Variants in ATXN10 observed in about 807,000 individuals in gnomAD.
ATXN10 encodes the protein ataxin 10.
A neutral mutation model predicts 52.9 loss-of-function variants in ATXN10; 28 were observed. That is an observed-to-expected ratio of 0.53 (90% confidence interval 0.39 to 0.73). The LOEUF is 0.73. Among genes scored for constraint, ATXN10 ranks in the 30% least tolerant of loss-of-function variants. The pLI is 0.00. For synonymous variants in ATXN10, 226 were observed against 221.5 expected, an observed-to-expected ratio of 1.02 and a Z score of -0.18; for missense variants, 565 against 577.0, an observed-to-expected ratio of 0.98 and a Z score of 0.21.
chr22:45,675,926 CTG>C (rs1922669487), intron 1 of ATXN10: 1 of 152,088 alleles, frequency 6.6e-6, no homozygotes, highest in Admixed American at 6.6e-5. Flanking sequence ...TGTTTCTTCT[CTG>C]TGTAAGATAA....
Position 45,841,992 on chromosome 22 carries a change from T to C in ATXN10, c.1238-999T>C, listed in dbSNP as rs1187920054. 6.6e-6 allele frequency among the ~76,000 whole-genome samples: 1 copy of C among 152,098 alleles called. No homozygotes were observed. The highest frequency in any genetic ancestry group is 6.5e-5 in the Admixed American group (1 of 15,272). On this transcript the variant is annotated intron_variant, in intron 10 of 11. Coordinates refer to ENST00000252934, the MANE Select transcript of ATXN10 (RefSeq NM_013236.4). This position sits in a 1 kb window ranked among gnomAD's most constrained non-coding sequence, Gnocchi z 5.1. ...CTGATAATCATCAGGGGACAGGACT[T>C]GTTTGTCTTGCTGCCTTTATCTGCT...
chr22:45,803,552 A>G (rs1221232441), intron 9 of ATXN10, among the ~76,000 whole-genome samples: 1 of 152,176 alleles, frequency 6.6e-6, no homozygotes, highest in Non-Finnish European at 1.5e-5. Context: ...GGTTTGGATC[A>G]CACATTTATG....
At chr22:45,809,605 T>TC (rs1292384397) in intron 10 of ATXN10, among the ~76,000 whole-genome samples, 1 of 152,168 alleles carries the variant, frequency 6.6e-6, no homozygotes, top group East Asian at 1.9e-4. Context: ...CCCTTGTGCT[T>TC]CCCCTGGAGT....
intron 5 of ATXN10, among the ~76,000 whole-genome samples, chr22:45,706,232 T>G (rs1296153523): frequency 1.3e-5 from 2 of 152,178 alleles, no homozygotes; most frequent in African/African-American, 2.4e-5. Context: ...TTTTTTTATT[T>G]TTGTAAGATT....
chr22:45,729,621 A>C, intron 7 of ATXN10, 31 bp downstream of exon 7: 1 of 1,612,178 alleles, frequency 6.2e-7, no homozygotes, highest in Non-Finnish European at 8.5e-7. Context: ...AATCTCGGGT[A>C]AAAGAGAATG....
chr22:45,694,186 CATT>C (rs1923496002), intron 3 of ATXN10, among the ~76,000 whole-genome samples: 1 of 151,986 alleles, frequency 6.6e-6, no homozygotes, highest in Non-Finnish European at 1.5e-5. Context: ...TCTTTAGACT[CATT>C]AGTAGAATGG....
At position 45,842,839 on chromosome 22, in the gene ATXN10, A is replaced by G. The variant is rs1929390477; in HGVS notation, c.1238-152A>G. The stretch of plus-strand genomic sequence containing the variant: ...TCTTTTTAATGTGTTTGCACTTGAG[A>G]TGCATATTCAGAGAATGCATCCTCA... On this transcript the variant is annotated intron_variant, in intron 10 of 11. Transcript: ENST00000252934. This position sits in a 1 kb window ranked among gnomAD's most constrained non-coding sequence, Gnocchi z 4.8. The G allele has an allele frequency of 6.1e-6, 5 of 815,764 alleles. No homozygotes were observed. The highest frequency in any genetic ancestry group is 1.4e-5 in the South Asian group (1 of 69,100). 50.5% of individuals were successfully genotyped at this position (815,764 alleles called of 1,614,324 possible).
chr22:45,689,733 C>G lies in ATXN10; in HGVS notation c.138C>G (p.Ile46Met), dbSNP rs755973840. 3.2e-5 allele frequency: 52 copies of G among 1,614,002 alleles called. No homozygotes were observed. The highest frequency in any genetic ancestry group is 3.8e-5 in the Non-Finnish European group (45 of 1,179,980). Residue 46 changes from isoleucine to methionine, a missense_variant, in exon 2 of 12, where the codon ATC (isoleucine) becomes ATG (methionine). Physicochemically the swap from Ile to Met is conservative, Grantham distance 10. Coordinates refer to ENST00000252934, the MANE Select transcript of ATXN10 (RefSeq NM_013236.4). ...QRNRETAPRT[I>M]FQRVLDILKK... is the part of the protein sequence containing the mutation. Reference sequence around the variant, plus strand: ...TCAGAGAAACAGCACCCAGGACTATCTTCCAAAGAGTTCTGGATATCCTAA... The same window carrying G: ...TCAGAGAAACAGCACCCAGGACTATGTTCCAAAGAGTTCTGGATATCCTAA...
At chr22:45,811,639 C>A in intron 10 of ATXN10, 1 of 454,002 alleles carries the variant, frequency 2.2e-6, no homozygotes, top group Non-Finnish European at 4.6e-6. Flanking sequence ...GTAATATAGC[C>A]TAGAATGTGA....
chr22:45,807,522 G>A (rs1411862836), intron 10 of ATXN10, among the ~76,000 whole-genome samples: 3 of 152,176 alleles, frequency 2.0e-5, no homozygotes, highest in South Asian at 2.1e-4. Flanking sequence ...TCTCATCTTC[G>A]GAGGGTTTGT....
chr22:45,767,366 TACAG>T (rs1329467777), intron 9 of ATXN10, among the ~76,000 whole-genome samples: 1 of 151,878 alleles, frequency 6.6e-6, no homozygotes, highest in Non-Finnish European at 1.5e-5. Flanking sequence ...TTTTATGTAA[TACAG>T]AGGGAGAAAT....
At position 45,843,293 on chromosome 22, in the gene ATXN10, C is replaced by T. The variant is rs941866655; in HGVS notation, c.1425+115C>T. 3 of 1,209,328 alleles carry T rather than the reference C, an allele frequency of 2.5e-6. No individual in the cohort carries two copies. Among genetic ancestry groups the T allele is most frequent in the South Asian group, 1.3e-5 (1 of 78,444 alleles). 74.9% of individuals were successfully genotyped at this position (1,209,328 alleles called of 1,614,324 possible). A position where few individuals can be genotyped will look rare whatever the true frequency, so the allele number is the denominator to read the frequency against. ...AGAATATGGATGGGAGAATTGTGCC[C>T]TCTATAGTGGTTTACCGAGGAAAGC... On this transcript the variant is annotated intron_variant, in intron 11 of 11. Transcript: ENST00000252934. The surrounding 1 kb of genome is among the most constrained non-coding windows in gnomAD (Gnocchi z 4.5).
At chr22:45,731,213 A>G (rs1925077196) in intron 7 of ATXN10, among the ~76,000 whole-genome samples, 1 of 152,228 alleles carries the variant, frequency 6.6e-6, no homozygotes, top group South Asian at 2.1e-4. Flanking sequence ...AGAAGTGCTG[A>G]GGGAGAGAAG....
rs1270093761 is a variant in ATXN10 at position 45,740,480 on chromosome 22, C to T, written c.1115C>T (p.Ser372Phe). ...DISNVANGFKSHLIRLIGNLC... is the reference protein window; with the variant it reads ...DISNVANGFKFHLIRLIGNLC... ...TCCAATGTGGCCAATGGGTTTAAGT[C>T]TCATCTCATTCGTCTGATTGGAAAT... is the stretch of plus-strand genomic sequence containing the variant. The change falls in exon 9 of 12, where the codon TCT becomes TTT. Residue 372 changes from serine to phenylalanine, a missense_variant. By Grantham distance (155) the Ser-to-Phe change is radical. Coordinates refer to ENST00000252934, the MANE Select transcript of ATXN10 (RefSeq NM_013236.4). 4.3e-6 allele frequency: 7 copies of T among 1,613,822 alleles called. No homozygotes were observed. Among genetic ancestry groups the T allele is most frequent in the African/African-American group, 1.3e-5 (1 of 74,956 alleles).
chr22:45,749,296 G>T (rs138179), intron 9 of ATXN10, among the ~76,000 whole-genome samples: 32,494 of 152,054 alleles, frequency 0.21, 5,237 homozygotes, highest in African/African-American at 0.46. Context: ...TGAGTCAAGC[G>T]TAGAGTAGTT....
chr22:45,804,926 C>T (rs918976651), intron 9 of ATXN10, among the ~76,000 whole-genome samples: 1 of 152,162 alleles, frequency 6.6e-6, no homozygotes. Flanking sequence ...ACAAGATTCT[C>T]ATATAAGGCT....
rs60726084 is a variant in ATXN10 at position 45,795,354 on chromosome 22, GATTCT to G, written c.1174-11539_1174-11535del. On this transcript the variant is annotated intron_variant, in intron 9 of 11. Transcript: ENST00000252934. The surrounding 1 kb of genome is among the most constrained non-coding windows in gnomAD (Gnocchi z 4.6). ...ATCCAACTAAAAGACTACTAGAATG[GATTCT>G]ATTCTATTCTATTCTATTCTATTCT... 0.25 allele frequency among the ~76,000 whole-genome samples: 32,219 copies of G among 126,408 alleles called. 3,981 individuals are homozygous for G. Among genetic ancestry groups the G allele is most frequent in the African/African-American group, 0.28 (9,429 of 33,254 alleles). 82.9% of individuals were successfully genotyped at this position (126,408 alleles called of 152,430 possible).
At chr22:45,741,575 C>G (rs1018052507) in intron 9 of ATXN10, among the ~76,000 whole-genome samples, 13 of 152,116 alleles carry the variant, frequency 8.5e-5, no homozygotes, top group African/African-American at 3.1e-4. Flanking sequence ...GGGAGTAGAT[C>G]CATCCTCAGT....
chr22:45,752,284 AAAG>A lies in ATXN10; in HGVS notation c.1173+11750_1173+11752del, dbSNP rs577354232. Among the ~76,000 whole-genome samples, 229 of 152,306 alleles carry A rather than the reference AAAG, an allele frequency of 1.5e-3. 2 individuals are homozygous for A. The highest frequency in any genetic ancestry group is 5.3e-3 in the African/African-American group (221 of 41,562). On this transcript the variant is annotated intron_variant, in intron 9 of 11. Coordinates refer to ENST00000252934, the MANE Select transcript of ATXN10 (RefSeq NM_013236.4). The stretch of plus-strand genomic sequence containing the variant: ...TGTTCTCTCGAGGAATTCACAGTGT[AAAG>A]AAGGAGACAGATGTAGAAACTATCA...
Sources: gnomAD v4.1 joint callset for allele counts (sites outside exome capture counted in the v4.1 genomes callset) on GRCh38, gnomAD v4.1.1 for gene constraint, Gnocchi (gnomAD v3.1) non-coding constraint, MANE v1.5 for transcripts, NCBI Gene and HGNC (gene_info 2026-07-23, HGNC 2026-07-21) for gene names.